Variants in RCOR3 observed in about 807,000 individuals in gnomAD.
RCOR3 encodes REST corepressor 3.
Under a neutral mutation model 64.1 loss-of-function variants are expected in RCOR3, and 13 were observed. That is an observed-to-expected ratio of 0.20 (90% CI 0.13 to 0.32). RCOR3 has a LOEUF of 0.32. Among genes scored for constraint, RCOR3 ranks in the 10% least tolerant of loss-of-function variants. The pLI, the probability that RCOR3 is intolerant of heterozygous loss-of-function variation, is 1.00. For missense variants in RCOR3, 489 were observed against 701.2 expected, an observed-to-expected ratio of 0.70 and a Z score of 3.42; for synonymous variants, 215 against 239.0, an observed-to-expected ratio of 0.90 and a Z score of 0.93.
intron 9 of RCOR3, 74 bp downstream of exon 9, chr1:211,295,827 T>C: frequency 8.8e-7 from 1 of 1,141,224 alleles, no homozygotes; most frequent in Non-Finnish European, 1.3e-6. Context: ...GCCCAAGTAC[T>C]ATTTTGGTCA....
intron 8 of RCOR3, among the ~76,000 whole-genome samples, chr1:211,290,940 A>G (rs1227412913): frequency 1.3e-5 from 2 of 151,394 alleles, no homozygotes; most frequent in African/African-American, 4.9e-5. Flanking sequence ...TTTTCCAGCT[A>G]TATCTTTTGC....
chr1:211,260,733 G>A (rs1694109100), intron 2 of RCOR3, among the ~76,000 whole-genome samples: 1 of 151,968 alleles, frequency 6.6e-6, no homozygotes, highest in African/African-American at 2.4e-5. Context: ...CAGGAGCCGC[G>A]GAGAGAAAGG....
At chr1:211,279,657 C>T (rs1450821818) in intron 7 of RCOR3, among the ~76,000 whole-genome samples, 1 of 152,160 alleles carries the variant, frequency 6.6e-6, no homozygotes. Context: ...TTAAAAAATT[C>T]TCTTCTACTG....
At chr1:211,273,476 A>G (rs1227009513) in intron 3 of RCOR3, among the ~76,000 whole-genome samples, 2 of 152,244 alleles carry the variant, frequency 1.3e-5, no homozygotes, top group Admixed American at 6.5e-5. Flanking sequence ...ACACATATAT[A>G]AATTAATTAG....
chr1:211,289,068 T>G (rs763243878), intron 7 of RCOR3, 110 bp from the exon 8 acceptor site: 1 of 792,798 alleles, frequency 1.3e-6, no homozygotes, highest in Non-Finnish European at 2.1e-6. Context: ...GTTAGAAGTG[T>G]TTTTTTATGT....
In RCOR3 at chr1:211,313,917, C is replaced by CT; in HGVS notation, c.*150dup. The CT allele has an allele frequency of 3.9e-6, 3 of 765,154 alleles. No homozygotes were observed. The highest frequency in any genetic ancestry group is 3.9e-5 in the South Asian group (2 of 51,934). 47.4% of individuals were successfully genotyped at this position (765,154 alleles called of 1,614,324 possible). ...GCAGTGGACTAGCATAAGTGGATGT[C>CT]TAAGAAATTTTTCAGTTCACTAGAC... On this transcript the variant is annotated 3_prime_UTR_variant, in exon 12 of 12. Transcript: ENST00000419091. The surrounding 1 kb of genome is among the most constrained non-coding windows in gnomAD (Gnocchi z 4.7).
chr1:211,264,180 TTCTC>T (rs973723991), intron 2 of RCOR3, among the ~76,000 whole-genome samples: 10 of 152,214 alleles, frequency 6.6e-5, no homozygotes, highest in African/African-American at 2.4e-4. Flanking sequence ...TCTCTTCTCT[TTCTC>T]ATTATCTTTG....
intron 2 of RCOR3, among the ~76,000 whole-genome samples, chr1:211,266,237 T>C (rs556903010): frequency 6.6e-6 from 1 of 152,308 alleles, no homozygotes; most frequent in East Asian, 1.9e-4. Flanking sequence ...AAAATATGTT[T>C]AGTACAGCTT....
chr1:211,302,411 C>T (rs763331042), intron 9 of RCOR3: 21 of 152,110 alleles, frequency 1.4e-4, no homozygotes, highest in Admixed American at 1.0e-3. Flanking sequence ...AAGCACTTCA[C>T]AAAAGAATAA....
intron 7 of RCOR3, among the ~76,000 whole-genome samples, chr1:211,281,990 A>G (rs1571881363): frequency 6.6e-6 from 1 of 152,188 alleles, no homozygotes; most frequent in African/African-American, 2.4e-5. Flanking sequence ...AATACATGCT[A>G]TATGCTCTTA....
At chr1:211,280,984 C>CAA (rs57531814) in intron 7 of RCOR3, among the ~76,000 whole-genome samples, 55,743 of 113,414 alleles carry the variant, frequency 0.49, 14,290 homozygotes, top group East Asian at 0.6. Flanking sequence ...AACTCCATCT[C>CAA]AAAAAAAAAA....
At chr1:211,293,546 T>A (rs1258809164) in intron 8 of RCOR3, among the ~76,000 whole-genome samples, 1 of 152,228 alleles carries the variant, frequency 6.6e-6, no homozygotes, top group Non-Finnish European at 1.5e-5. Context: ...ACACTTTCCC[T>A]AATCTTCCCC....
chr1:211,278,329 A>G, intron 6 of RCOR3, 88 bp downstream of exon 6: 1 of 1,379,808 alleles, frequency 7.2e-7, no homozygotes. Context: ...TTATCACAAC[A>G]CATTGTAAAT....
At chr1:211,279,730 C>A (rs1270954045) in intron 7 of RCOR3, among the ~76,000 whole-genome samples, 1 of 152,196 alleles carries the variant, frequency 6.6e-6, no homozygotes, top group Non-Finnish European at 1.5e-5. Context: ...TTAATTCCTT[C>A]ATTTTCTCCC....
chr1:211,278,278 G>A (rs1241700654), intron 6 of RCOR3, 37 bp downstream of exon 6: 1 of 1,605,626 alleles, frequency 6.2e-7, no homozygotes, highest in Non-Finnish European at 8.5e-7. Flanking sequence ...CATTGTTAGG[G>A]ACACTGCATT....
At chr1:211,308,716 A>AT (rs34691206) in intron 10 of RCOR3, among the ~76,000 whole-genome samples, 4 of 82,318 alleles carry the variant, frequency 4.9e-5, no homozygotes, top group African/African-American at 1.6e-4. Flanking sequence ...TCCAAAATCA[A>AT]TTTTTTTTTT....
At chr1:211,284,227 T>C (rs1037701279) in intron 7 of RCOR3, among the ~76,000 whole-genome samples, 1 of 151,498 alleles carries the variant, frequency 6.6e-6, no homozygotes, top group East Asian at 1.9e-4. Flanking sequence ...CTAATTGTTT[T>C]TTTGTTTGTT....
At chr1:211,272,611 A>ATTTTTTT (rs1558054249) in intron 3 of RCOR3, among the ~76,000 whole-genome samples, 2 of 17,554 alleles carry the variant, frequency 1.1e-4, no homozygotes, top group Non-Finnish European at 1.6e-4. Flanking sequence ...TGGATGTCTT[A>ATTTTTTT]CTTTTTTTTT....
At chr1:211,304,167 T>C (rs780314676) in intron 10 of RCOR3, 27 bp downstream of exon 10, 1 of 1,509,692 alleles carries the variant, frequency 6.6e-7, no homozygotes, top group Admixed American at 2.1e-5. Context: ...CAGTTATTGT[T>C]GTTAATAATT....
Sources: gnomAD v4.1 joint callset for allele counts (sites outside exome capture counted in the v4.1 genomes callset) on GRCh38, gnomAD v4.1.1 for gene constraint, Gnocchi (gnomAD v3.1) non-coding constraint, MANE v1.5 for transcripts, NCBI Gene and HGNC (gene_info 2026-07-23, HGNC 2026-07-21) for gene names.